Variants in CDH13 observed in about 807,000 individuals in gnomAD.
CDH13 encodes cadherin-13.
A neutral mutation model predicts 63.8 loss-of-function variants in CDH13; 24 were observed. The observed-to-expected ratio is 0.38, with a 90% CI of 0.27 to 0.53. CDH13 has a LOEUF of 0.53. CDH13 is among the 20% of genes least tolerant of loss of function. The pLI, the probability that CDH13 is intolerant of heterozygous loss-of-function variation, is 0.85. For missense variants in CDH13, 1,049 were observed against 903.1 expected (o/e 1.16, Z -2.07); for synonymous variants, 503 against 355.3 (o/e 1.42, Z -4.67).
intron 7 of CDH13, among the ~76,000 whole-genome samples, chr16:83,505,829 T>C (rs2151594083): frequency 6.6e-6 from 1 of 152,222 alleles, no homozygotes; most frequent in South Asian, 2.1e-4. Flanking sequence ...TTTAAAGAGA[T>C]CCAGGAAGCA....
intron 1 of CDH13, among the ~76,000 whole-genome samples, chr16:82,842,035 G>T (rs1231973369): frequency 6.8e-6 from 1 of 146,346 alleles, no homozygotes; most frequent in Non-Finnish European, 1.5e-5. Flanking sequence ...ACTGCTAGAA[G>T]AATTCCCTCC....
chr16:83,258,407 T>C (rs1906547396), intron 5 of CDH13, among the ~76,000 whole-genome samples: 1 of 152,196 alleles, frequency 6.6e-6, no homozygotes, highest in Non-Finnish European at 1.5e-5. Context: ...CAAAGATATC[T>C]AGTGATGTTT....
At chr16:83,095,996 C>A (rs1032135975) in intron 3 of CDH13, among the ~76,000 whole-genome samples, 2 of 152,104 alleles carry the variant, frequency 1.3e-5, no homozygotes, top group Non-Finnish European at 2.9e-5. Context: ...TTGAACATGT[C>A]TTTAGGAGGT....
intron 4 of CDH13, among the ~76,000 whole-genome samples, chr16:83,200,965 GTGTGT>G: frequency 1.4e-5 from 2 of 144,492 alleles, no homozygotes; most frequent in Non-Finnish European, 3.0e-5. Context: ...GTGTGTGTGT[GTGTGT>G]GTTATTGGGA....
chr16:83,214,796 C>A lies in CDH13; in HGVS notation c.484-2549C>A, dbSNP rs556323182. Reference sequence around the variant, plus strand: ...GGCAATGCTGGGAAGTAAGTGGTGTCATCTGCACTTTAAAGATGAGGCGAT... The same window carrying A: ...GGCAATGCTGGGAAGTAAGTGGTGTAATCTGCACTTTAAAGATGAGGCGAT... On this transcript the variant is annotated intron_variant, in intron 4 of 13. Coordinates refer to ENST00000567109, the MANE Select transcript of CDH13 (RefSeq NM_001257.5). 3.3e-5 allele frequency among the ~76,000 whole-genome samples: 5 copies of A among 152,056 alleles called. No individual in the cohort carries two copies. The East Asian group carries it at 5.8e-4, about 18-fold the overall frequency.
At chr16:83,411,017 C>G (rs752419402) in intron 6 of CDH13, among the ~76,000 whole-genome samples, 6 of 152,202 alleles carry the variant, frequency 3.9e-5, no homozygotes, top group Non-Finnish European at 7.3e-5. Context: ...CGTGCTTTTT[C>G]TCTCCCATAT....
chr16:82,687,910 C>G (rs917423677), intron 1 of CDH13, among the ~76,000 whole-genome samples: 1 of 152,066 alleles, frequency 6.6e-6, no homozygotes, highest in Non-Finnish European at 1.5e-5. Flanking sequence ...TCAAGGGGAT[C>G]CAAGGCACCT....
chr16:82,918,507 T>C (rs1234009002), intron 2 of CDH13, among the ~76,000 whole-genome samples: 1 of 47,310 alleles, frequency 2.1e-5, no homozygotes, highest in African/African-American at 6.3e-5. Context: ...ACACTTTCAC[T>C]TTTTTTTTTT....
chr16:83,604,255 G>T (rs1181767779), intron 8 of CDH13, among the ~76,000 whole-genome samples: 2 of 152,130 alleles, frequency 1.3e-5, no homozygotes, highest in Non-Finnish European at 2.9e-5. Context: ...ACGGGAGCTT[G>T]ATTTGCTCCA....
intron 8 of CDH13, among the ~76,000 whole-genome samples, chr16:83,657,719 C>A (rs1329259181): frequency 6.6e-6 from 1 of 152,186 alleles, no homozygotes; most frequent in Non-Finnish European, 1.5e-5. Flanking sequence ...AAAGGTACTG[C>A]ATTTGCTTGC....
rs138866650 is a variant in CDH13 at position 83,457,382 on chromosome 16, A to T, written c.782-29095A>T. ...GCAGGGTGGGCACTGAAGGGCTTTG[A>T]AGTCAGAAGGACATAGGATCTATTC... On this transcript the variant is annotated intron_variant, in intron 6 of 13. Coordinates refer to ENST00000567109, the MANE Select transcript of CDH13 (RefSeq NM_001257.5). Among the ~76,000 whole-genome samples, 4 of 152,218 alleles carry T rather than the reference A, an allele frequency of 2.6e-5. No individual in the cohort carries two copies. In the Middle Eastern group the frequency reaches 0.01, roughly 388 times the overall value.
At chr16:83,137,439 C>T (rs1043931431) in intron 4 of CDH13, among the ~76,000 whole-genome samples, 2 of 152,140 alleles carry the variant, frequency 1.3e-5, no homozygotes, top group African/African-American at 4.8e-5. Flanking sequence ...ATTTGATGTG[C>T]GTGTTTGTGC....
intron 1 of CDH13, among the ~76,000 whole-genome samples, chr16:82,733,449 A>G (rs2033506208): frequency 6.6e-6 from 1 of 152,186 alleles, no homozygotes; most frequent in African/African-American, 2.4e-5. Context: ...TGTAAACATG[A>G]TCATTATCTT....
chr16:83,207,966 A>G (rs1037622129), intron 4 of CDH13, among the ~76,000 whole-genome samples: 4 of 152,202 alleles, frequency 2.6e-5, no homozygotes, highest in Non-Finnish European at 4.4e-5. Flanking sequence ...AAGGATCTGG[A>G]TGGTAGATTC....
At chr16:83,024,915 C>G (rs922414021) in intron 2 of CDH13, among the ~76,000 whole-genome samples, 1 of 152,160 alleles carries the variant, frequency 6.6e-6, no homozygotes, top group Non-Finnish European at 1.5e-5. Flanking sequence ...AATGGGCAAG[C>G]CTGAATCAGA....
intron 8 of CDH13, among the ~76,000 whole-genome samples, chr16:83,656,257 T>C (rs528870171): frequency 1.3e-5 from 2 of 152,286 alleles, no homozygotes; most frequent in African/African-American, 4.8e-5. Flanking sequence ...GACTCCTGCA[T>C]TTTCAGCCTT....
chr16:82,902,090 A>C (rs962283750), intron 2 of CDH13, among the ~76,000 whole-genome samples: 3 of 152,202 alleles, frequency 2.0e-5, no homozygotes, highest in Non-Finnish European at 4.4e-5. Flanking sequence ...TGCCTATATC[A>C]AACTGCCTTT....
intron 6 of CDH13, among the ~76,000 whole-genome samples, chr16:83,363,123 T>A (rs1359771741): frequency 6.6e-6 from 1 of 152,244 alleles, no homozygotes; most frequent in Non-Finnish European, 1.5e-5. Context: ...GACATTTATC[T>A]TTTAAAGTAT....
intron 10 of CDH13, among the ~76,000 whole-genome samples, chr16:83,683,165 C>T (rs1052713251): frequency 6.6e-6 from 1 of 152,244 alleles, no homozygotes; most frequent in African/African-American, 2.4e-5. Flanking sequence ...GGAATCTTCT[C>T]ACTAAAAAGC....
Sources: gnomAD v4.1 joint callset for allele counts (sites outside exome capture counted in the v4.1 genomes callset) on GRCh38, gnomAD v4.1.1 for gene constraint, MANE v1.5 for transcripts, NCBI Gene and HGNC (gene_info 2026-07-23, HGNC 2026-07-21) for gene names.